PDE4B: variants seen among roughly 807,000 people sequenced by gnomAD.
PDE4B encodes 3',5'-cyclic-AMP phosphodiesterase 4B.
In PDE4B, 20 loss-of-function variants were observed where a neutral mutation model predicts 82.2. The observed-to-expected ratio is 0.24, with a 90% CI of 0.17 to 0.35. The LOEUF is 0.35. PDE4B is among the 10% of genes least tolerant of loss of function. The pLI, the probability that PDE4B is intolerant of heterozygous loss-of-function variation, is 1.00. For missense variants in PDE4B, 655 were observed against 907.2 expected, an observed-to-expected ratio of 0.72 and a Z score of 3.57; for synonymous variants, 320 against 318.9, an observed-to-expected ratio of 1.00 and a Z score of -0.04.
At chr1:66,061,086 T>G (rs971830824) in intron 3 of PDE4B, among the ~76,000 whole-genome samples, 1 of 151,598 alleles carries the variant, frequency 6.6e-6, no homozygotes, top group Admixed American at 6.6e-5. Flanking sequence ...GAACACGTTC[T>G]TTGAAAATGA....
At chr1:65,914,911 T>C (rs1198338359) in intron 2 of PDE4B, among the ~76,000 whole-genome samples, 3 of 152,232 alleles carry the variant, frequency 2.0e-5, no homozygotes, top group African/African-American at 7.2e-5. Flanking sequence ...CACATGTGAC[T>C]ATTAAGTATT....
chr1:66,204,438 C>A (rs893804775), intron 3 of PDE4B, among the ~76,000 whole-genome samples: 9 of 152,166 alleles, frequency 5.9e-5, no homozygotes, highest in Non-Finnish European at 1.5e-5. Flanking sequence ...TGTGCCCTGC[C>A]CCCATAGGTG....
At chr1:66,135,694 A>G (rs1367555848) in intron 3 of PDE4B, among the ~76,000 whole-genome samples, 1 of 152,210 alleles carries the variant, frequency 6.6e-6, no homozygotes, top group Non-Finnish European at 1.5e-5. Context: ...TGAACCTCAG[A>G]GAAGAGATCT....
intron 3 of PDE4B, among the ~76,000 whole-genome samples, chr1:66,026,325 T>A (rs1339195835): frequency 1.3e-5 from 2 of 152,182 alleles, no homozygotes; most frequent in African/African-American, 4.8e-5. Flanking sequence ...AGACTTTTCA[T>A]GTCAATGGTC....
rs182444588 is a variant in PDE4B, at chr1:66,257,633, T to A, written c.477-14T>A. ...AGTAAATTTCTAAAGGTTCTTTTTT[T>A]CTCTTTTCACCAGACACGGCGATGA... On this transcript the variant is annotated splice_polypyrimidine_tract_variant and intron_variant, in intron 4 of 16. Coordinates refer to ENST00000341517, the MANE Select transcript of PDE4B (RefSeq NM_002600.4). The A allele has an allele frequency of 2.2e-5, 35 of 1,611,942 alleles. No individual in the cohort carries two copies. The African/African-American group carries it at 3.1e-4, about 14-fold the overall frequency.
At position 65,847,695 on chromosome 1, in the gene PDE4B, T is replaced by G. The variant is rs529653383; in HGVS notation, c.-71+54447T>G. Among the ~76,000 whole-genome samples, 30 of 152,314 alleles carry G rather than the reference T, an allele frequency of 2.0e-4. 1 individual carries two copies. The East Asian group carries it at 5.0e-3, about 25-fold the overall frequency. On this transcript the variant is annotated intron_variant, in intron 1 of 16. Transcript: ENST00000341517. ...ATTGTCACTCCTACCTTCATGTAAGTGTTGAACACATAGAGAACTAAGAAG... is the reference window on the plus strand; with the variant it reads ...ATTGTCACTCCTACCTTCATGTAAGGGTTGAACACATAGAGAACTAAGAAG...
intron 3 of PDE4B, among the ~76,000 whole-genome samples, chr1:66,053,074 A>G (rs1368153477): frequency 2.0e-5 from 3 of 152,204 alleles, no homozygotes; most frequent in African/African-American, 7.2e-5. Flanking sequence ...CATGTTCTAC[A>G]GTATATGGCC....
intron 12 of PDE4B, among the ~76,000 whole-genome samples, chr1:66,363,790 T>A (rs1477511786): frequency 2.0e-5 from 3 of 151,922 alleles, no homozygotes. Flanking sequence ...ATAAAAAAAA[T>A]TTAAAAAGTG....
intron 3 of PDE4B, among the ~76,000 whole-genome samples, chr1:66,060,429 T>G (rs1655524449): frequency 1.3e-5 from 2 of 152,240 alleles, no homozygotes. Context: ...TTATGTGCTT[T>G]CCAATGTGGT....
At chr1:66,022,246 A>G (rs1041557684) in intron 3 of PDE4B, among the ~76,000 whole-genome samples, 1 of 152,202 alleles carries the variant, frequency 6.6e-6, no homozygotes. Context: ...CAATCATGTC[A>G]TCTGCAAACA....
chr1:66,265,171 A>C (rs1654943310), intron 6 of PDE4B, among the ~76,000 whole-genome samples: 1 of 152,198 alleles, frequency 6.6e-6, no homozygotes, highest in South Asian at 2.1e-4. Flanking sequence ...CTGAATCAGC[A>C]ACTCTGGGGG....
intron 1 of PDE4B, among the ~76,000 whole-genome samples, chr1:65,907,404 C>T (rs1463937228): frequency 6.7e-6 from 1 of 150,300 alleles, no homozygotes; most frequent in Non-Finnish European, 1.5e-5. Flanking sequence ...ATAAAGTTTA[C>T]GGATGATTAT....
chr1:66,065,570 G>A (rs1464203457), intron 3 of PDE4B, among the ~76,000 whole-genome samples: 1 of 151,516 alleles, frequency 6.6e-6, no homozygotes, highest in Admixed American at 6.6e-5. Flanking sequence ...TGCGGGAACT[G>A]TATTGTACTT....
chr1:66,143,091 G>T (rs1357760554), intron 3 of PDE4B, among the ~76,000 whole-genome samples: 1 of 152,192 alleles, frequency 6.6e-6, no homozygotes. Flanking sequence ...CCCAGAAAAT[G>T]CTGGAAGAAT....
At chr1:66,370,007 C>T (rs954480745) in intron 16 of PDE4B, among the ~76,000 whole-genome samples, 2 of 151,700 alleles carry the variant, frequency 1.3e-5, no homozygotes, top group Admixed American at 6.6e-5. Flanking sequence ...AAAAATTGGT[C>T]GAGCATGGTA....
At chr1:66,205,680 C>A (rs1312525513) in intron 3 of PDE4B, among the ~76,000 whole-genome samples, 1 of 152,210 alleles carries the variant, frequency 6.6e-6, no homozygotes, top group Non-Finnish European at 1.5e-5. Flanking sequence ...CATAGATATT[C>A]CATTTGATCA....
chr1:66,206,345 T>G (rs1649552635), intron 3 of PDE4B, among the ~76,000 whole-genome samples: 1 of 152,146 alleles, frequency 6.6e-6, no homozygotes, highest in African/African-American at 2.4e-5. Flanking sequence ...GTGTCTAGGC[T>G]GGAGCAAAAA....
chr1:65,897,736 G>T (rs1465425095), intron 1 of PDE4B, among the ~76,000 whole-genome samples: 1 of 151,924 alleles, frequency 6.6e-6, no homozygotes, highest in Non-Finnish European at 1.5e-5. Flanking sequence ...ATCTACCATT[G>T]ATGGGCACAC....
At chr1:66,015,305 A>G (rs1461605775) in intron 3 of PDE4B, among the ~76,000 whole-genome samples, 1 of 152,146 alleles carries the variant, frequency 6.6e-6, no homozygotes, top group East Asian at 1.9e-4. Context: ...TGCTCCTCCT[A>G]CTTCTGAGCT....
Sources: allele counts gnomAD v4.1 joint callset (sites outside exome capture counted in the v4.1 genomes callset), GRCh38; gene constraint gnomAD v4.1.1; transcripts MANE v1.5; gene names NCBI Gene and HGNC (gene_info 2026-07-23, HGNC 2026-07-21).